Variants in SCRN2 observed in about 807,000 individuals in gnomAD.
The protein encoded by SCRN2 is secernin-2.
SCRN2 carries 30 observed loss-of-function variants against 40.1 expected under a neutral mutation model. That is an observed-to-expected ratio of 0.75 (90% CI 0.56 to 1.01). The LOEUF is 1.01. SCRN2 is among the 50% of genes least tolerant of loss of function. The pLI is 0.00. For synonymous variants in SCRN2, 240 were observed against 233.5 expected, an observed-to-expected ratio of 1.03 and a Z score of -0.25; for missense variants, 526 against 564.9, an observed-to-expected ratio of 0.93 and a Z score of 0.70.
At chr17:47,839,068 G>A in intron 4 of SCRN2, 62 bp from the exon 5 acceptor site, 4 of 1,558,240 alleles carry the variant, frequency 2.6e-6, no homozygotes, top group Non-Finnish European at 3.5e-6. Context: ...GCCAGGCACT[G>A]GGCGAGGTGC....
At chr17:47,838,036 G>C in intron 7 of SCRN2, 34 bp from the exon 8 acceptor site, 4 of 1,590,380 alleles carry the variant, frequency 2.5e-6, no homozygotes, top group South Asian at 1.1e-5. Flanking sequence ...GAGTCTGTCC[G>C]GGACAGGCTT....
rs2033735970 is a variant in SCRN2, at chr17:47,838,284, T to TA, written c.1104_1105insT (p.Met369TyrfsTer103). ...CTGGGGGATACCTGATCTCTCTCCATCAGCCCCAGGGCTGCCTGGTGTCCA... is the reference window on the plus strand; with the variant it reads ...CTGGGGGATACCTGATCTCTCTCCATACAGCCCCAGGGCTGCCTGGTGTCCA... On this transcript the variant is annotated frameshift_variant, in exon 7 of 8. Coordinates refer to ENST00000290216, the MANE Select transcript of SCRN2 (RefSeq NM_138355.4). LOFTEE classifies it low-confidence loss of function (END_TRUNC). The TA allele has an allele frequency of 2.5e-6, 4 of 1,593,370 alleles. No individual in the cohort carries two copies. In the African/African-American group the frequency reaches 5.4e-5, roughly 22 times the overall value.
At chr17:47,839,677 G>A in intron 3 of SCRN2, 34 bp from the exon 4 acceptor site, 3 of 1,609,012 alleles carry the variant, frequency 1.9e-6, no homozygotes. Context: ...ACAGAAGGGT[G>A]ACAGAGGGAT....
chr17:47,840,104 C>A (rs1038516142), intron 3 of SCRN2, 87 bp downstream of exon 3: 12 of 1,397,232 alleles, frequency 8.6e-6, no homozygotes, highest in Non-Finnish European at 1.2e-5. Flanking sequence ...GTGAACCAGG[C>A]TGGGGGAGGG....
At chr17:47,841,151 T>G in intron 1 of SCRN2, 57 bp downstream of exon 1, 1 of 276,322 alleles carries the variant, frequency 3.6e-6, no homozygotes, top group Non-Finnish European at 6.8e-6. Flanking sequence ...CATGCCCAGA[T>G]ACCCGACCCT....
chr17:47,840,136 C>T (rs1269394089), intron 3 of SCRN2, 55 bp downstream of exon 3: 1 of 1,561,868 alleles, frequency 6.4e-7, no homozygotes, highest in East Asian at 2.3e-5. Context: ...CAGGTCAAAA[C>T]TCAGCCCCTA....
At position 47,838,850 on chromosome 17, in the gene SCRN2, C is replaced by T. The variant is rs141728182; in HGVS notation, c.713G>A (p.Arg238His). ...GAAGCGGGCCTTGGCAGCCTCCATGCGCACAGGCTGCTGGGTCAGGGAGAA... is the reference window on the plus strand; with the variant it reads ...GAAGCGGGCCTTGGCAGCCTCCATGTGCACAGGCTGCTGGGTCAGGGAGAA... ...QIFSLTQQPV[R>H]MEAAKARFQA... The change falls in exon 5 of 8, where the codon CGC becomes CAC. Residue 238 changes from arginine to histidine, a missense_variant. Coordinates refer to ENST00000290216, the MANE Select transcript of SCRN2 (RefSeq NM_138355.4). 3.1e-5 allele frequency: 50 copies of T among 1,613,496 alleles called. No individual in the cohort carries two copies. Among genetic ancestry groups the T allele is most frequent in the African/African-American group, 1.5e-4 (11 of 74,934 alleles).
chr17:47,840,433 G>GCA, intron 2 of SCRN2, 61 bp from the exon 3 acceptor site: 2 of 1,561,826 alleles, frequency 1.3e-6, no homozygotes, highest in South Asian at 2.3e-5. Flanking sequence ...CTCGAGTGTG[G>GCA]CACTCTGCCA....
chr17:47,839,542 G>A lies in SCRN2; in HGVS notation c.458C>T (p.Ala153Val), dbSNP rs200085997. Residue 153 changes from alanine (A) to valine (V), a missense_variant, in exon 4 of 8, where the codon GCG (alanine) becomes GTG (valine). Ala to Val is a moderately conservative substitution (Grantham distance 64). Coordinates refer to ENST00000290216, the MANE Select transcript of SCRN2 (RefSeq NM_138355.4). The stretch of plus-strand genomic sequence containing the variant: ...GAAGGTGCTATGGTAGGAGAATGGC[G>A]CAGCATCCTCCAGGCAGTTGCCCCC... ...GQGGNCLEDA[A>V]PFSYHSTFLL... 19 of 1,613,996 alleles carry A rather than the reference G, an allele frequency of 1.2e-5. No homozygotes were observed. The highest frequency in any genetic ancestry group is 7.7e-5 in the South Asian group (7 of 91,084).
At position 47,840,746 on chromosome 17, in the gene SCRN2, G is replaced by C. The variant is rs772529577; in HGVS notation, c.98C>G (p.Ser33Trp). Residue 33 changes from serine (S) to tryptophan (W), a missense_variant, in exon 2 of 8, where the codon TCG (serine) becomes TGG (tryptophan). Transcript: ENST00000290216. ...CTGCACCTCGTCCCGGGGTCGGTCC[G>C]AGTTCTTGGCAAAGATCACAGCCGG... ...AIPAVIFAKN[S>W]DRPRDEVQEV... 1 of 1,597,938 alleles carries C rather than the reference G, an allele frequency of 6.3e-7. No homozygotes were observed. The highest frequency in any genetic ancestry group is 1.3e-5 in the African/African-American group (1 of 74,254).
In SCRN2 at chr17:47,838,463, A is replaced by G. The variant is rs760397240; in HGVS notation, c.939-13T>C. 1 of 1,613,694 alleles carries G rather than the reference A, an allele frequency of 6.2e-7. No individual in the cohort carries two copies. Among genetic ancestry groups the G allele is most frequent in the Non-Finnish European group, 8.5e-7 (1 of 1,179,938 alleles). ...TTTGAACACAGACCTAGAGGGGCAC[A>G]GATGGAAGCACGGAGATATATCAGA... On this transcript the variant is annotated splice_polypyrimidine_tract_variant and intron_variant, in intron 6 of 7. Coordinates refer to ENST00000290216, the MANE Select transcript of SCRN2 (RefSeq NM_138355.4).
chr17:47,837,723 C>G lies in SCRN2; in HGVS notation c.*121G>C, dbSNP rs568586219. Reference sequence around the variant, plus strand: ...AAAGCACATTTATTAAGGCAAAGGCCAAGCTGGCCGCTCAGAACATGGCCA... The same window carrying G: ...AAAGCACATTTATTAAGGCAAAGGCGAAGCTGGCCGCTCAGAACATGGCCA... On this transcript the variant is annotated 3_prime_UTR_variant, in exon 8 of 8. Coordinates refer to ENST00000290216, the MANE Select transcript of SCRN2 (RefSeq NM_138355.4). 1 of 1,236,482 alleles carries G rather than the reference C, an allele frequency of 8.1e-7. No homozygotes were observed. The highest frequency in any genetic ancestry group is 2.8e-5 in the East Asian group (1 of 35,874). The allele number at this position is 1,236,482 out of a possible 1,614,324, so 76.6% of individuals were successfully genotyped here.
rs1305621337 is a variant in SCRN2 at position 47,837,903 on chromosome 17, A to G, written c.1219T>C (p.Trp407Arg). ...GCCTGGAAGAGGCTGCCCAGCTCCC[A>G]GAGGGGTGGGGCCCACTCGCCGGCC... Reference protein sequence around the residue: ...LLAGEWAPPLWELGSLFQAFV... With the variant: ...LLAGEWAPPLRELGSLFQAFV... Residue 407 changes from tryptophan to arginine, a missense_variant, in exon 8 of 8, where the codon TGG becomes CGG. By Grantham distance (101) the Trp-to-Arg change is moderately radical (BLOSUM62 -3). Coordinates refer to ENST00000290216, the MANE Select transcript of SCRN2 (RefSeq NM_138355.4). 3 of 1,604,744 alleles carry G rather than the reference A, an allele frequency of 1.9e-6. No individual in the cohort carries two copies. The highest frequency in any genetic ancestry group is 2.2e-5 in the East Asian group (1 of 44,792).
In SCRN2 at chr17:47,838,916, C is replaced by T; in HGVS notation, c.647G>A (p.Gly216Asp). ...AAAGGCACCCTGCCCATCCCACCAG[C>T]CCTTGGCCTGGGCATGAGTCCGCAG... ...PELRTHAQAK[G>D]WWDGQGAFDF... Residue 216 changes from glycine (G) to aspartate (D), a missense_variant, in exon 5 of 8, where the codon GGC becomes GAC. Coordinates refer to ENST00000290216, the MANE Select transcript of SCRN2 (RefSeq NM_138355.4). The T allele has an allele frequency of 6.2e-7, 1 of 1,614,010 alleles. No homozygotes were observed. Among genetic ancestry groups the T allele is most frequent in the Non-Finnish European group, 8.5e-7 (1 of 1,180,046 alleles).
rs947480921 is a variant in SCRN2, at chr17:47,840,065, G to T, written c.356+126C>A. The T allele has an allele frequency of 4.1e-6, 4 of 970,850 alleles. No homozygotes were observed. In the African/African-American group the frequency reaches 6.6e-5, roughly 16 times the overall value. The allele number at this position is 970,850 out of a possible 1,614,324, so 60.1% of individuals were successfully genotyped here. A position where few individuals can be genotyped will look rare whatever the true frequency, so the allele number is the denominator to read the frequency against. ...CAGCCTTCTTCACGAAGGCACAAGGGCAAAGTCTGCAGAGAGGAGGAGGCC... is the reference window on the plus strand; with the variant it reads ...CAGCCTTCTTCACGAAGGCACAAGGTCAAAGTCTGCAGAGAGGAGGAGGCC... On this transcript the variant is annotated intron_variant, in intron 3 of 7. Transcript: ENST00000290216.
intron 1 of SCRN2, 103 bp downstream of exon 1, chr17:47,841,105 C>A: frequency 2.8e-6 from 1 of 362,394 alleles, no homozygotes; most frequent in East Asian, 4.2e-5. Flanking sequence ...GGGACCGTCC[C>A]CCTCGCTACC....
intron 1 of SCRN2, 33 bp from the exon 2 acceptor site, chr17:47,840,876 C>G (rs543993814): frequency 1.1e-5 from 16 of 1,471,502 alleles, no homozygotes; most frequent in Admixed American, 2.6e-5. Flanking sequence ...ATAACCCTGG[C>G]CACGGCTCAG....
chr17:47,838,506 C>G, intron 6 of SCRN2, 25 bp downstream of exon 6: 6 of 1,613,982 alleles, frequency 3.7e-6, no homozygotes, highest in Non-Finnish European at 5.1e-6. Context: ...TTCTCCCCAG[C>G]CTTCCCCACC....
Position 47,838,739 on chromosome 17 carries a change from C to T in SCRN2, c.773-43G>A, listed in dbSNP as rs1407389412. 2.6e-5 allele frequency: 42 copies of T among 1,610,214 alleles called. No homozygotes were observed. The Admixed American group carries it at 6.8e-4, about 26-fold the overall frequency. ...GGGAAGCTGTGGGAGGGGAGAGTGG[C>T]TGGCACTGCTGTGGCCCTCCTGGCC... is the stretch of plus-strand genomic sequence containing the variant. On this transcript the variant is annotated intron_variant, in intron 5 of 7. Transcript: ENST00000290216.
Sources: gnomAD v4.1 joint callset for allele counts on GRCh38, gnomAD v4.1.1 for gene constraint, MANE v1.5 for transcripts, NCBI Gene and HGNC (gene_info 2026-07-23, HGNC 2026-07-21) for gene names.